ADGB: variants seen among roughly 807,000 people sequenced by gnomAD.
ADGB encodes the protein androglobin, also known as calpain-7-like protein.
A neutral mutation model predicts 210.5 loss-of-function variants in ADGB; 172 were observed. That is an observed-to-expected ratio of 0.82 (90% confidence interval 0.72 to 0.93). The LOEUF (loss-of-function observed/expected upper bound fraction) is 0.93. Ranked by LOEUF, ADGB falls within the 40% of genes least tolerant of loss-of-function variation. The pLI is 0.00. For synonymous variants in ADGB, 658 were observed against 662.7 expected (o/e 0.99, Z 0.11); for missense variants, 2,025 against 1,964.8 (o/e 1.03, Z -0.58).
At chr6:146,654,443 C>T (rs1274249076) in intron 4 of ADGB, among the ~76,000 whole-genome samples, 3 of 69,678 alleles carry the variant, frequency 4.3e-5, no homozygotes, top group Non-Finnish European at 9.3e-5. Context: ...GTCTCAACCT[C>T]CCGGGCTAAA....
chr6:146,663,570 AT>A (rs1445606510), intron 5 of ADGB, among the ~76,000 whole-genome samples: 2 of 152,076 alleles, frequency 1.3e-5, no homozygotes, highest in Non-Finnish European at 2.9e-5. Flanking sequence ...GGGGAGAAAC[AT>A]TCTGTATGTA....
At chr6:146,680,880 T>C (rs1221466712) in intron 9 of ADGB, among the ~76,000 whole-genome samples, 2 of 152,070 alleles carry the variant, frequency 1.3e-5, no homozygotes, top group African/African-American at 4.8e-5. Context: ...ATAAGGCTGG[T>C]GTTGAAGAGA....
rs1011564026 is a variant in ADGB at position 146,724,186 on chromosome 6, C to A, written c.2096C>A (p.Ala699Asp). 5 of 1,547,244 alleles carry A rather than the reference C, an allele frequency of 3.2e-6. No homozygotes were observed. The Admixed American group carries it at 6.0e-5, about 19-fold the overall frequency. The stretch of plus-strand genomic sequence containing the variant: ...TAATACCTTTTTACTTATCTTAAAG[C>A]CTTAACAAAAGACAGTCCTCCCATA... The part of the protein sequence containing the change: ...SALVRWGEYG[A>D]LTKDSPPIEP... The change falls in exon 18 of 36, where the codon GCC becomes GAC. Residue 699 changes from alanine to aspartate, a missense_variant and splice_region_variant. Ala to Asp is a moderately radical substitution (Grantham distance 126). Coordinates refer to ENST00000397944, the MANE Select transcript of ADGB (RefSeq NM_024694.4).
intron 1 of ADGB, among the ~76,000 whole-genome samples, chr6:146,617,965 C>T (rs886690496): frequency 4.6e-5 from 7 of 151,986 alleles, no homozygotes; most frequent in African/African-American, 1.7e-4. Flanking sequence ...GAGTGAAAGC[C>T]TTACCAATAA....
At chr6:146,766,162 C>G (rs1777570805) in intron 28 of ADGB, among the ~76,000 whole-genome samples, 1 of 151,350 alleles carries the variant, frequency 6.6e-6, no homozygotes. Context: ...GTGGCTCACC[C>G]CTATAATTCC....
At chr6:146,767,648 T>C (rs1583629799) in intron 28 of ADGB, among the ~76,000 whole-genome samples, 1 of 151,980 alleles carries the variant, frequency 6.6e-6, no homozygotes, top group East Asian at 1.9e-4. Context: ...TTTTTTGTAT[T>C]TTTAGTAGAC....
intron 33 of ADGB, among the ~76,000 whole-genome samples, chr6:146,789,149 C>T (rs572877009): frequency 6.6e-6 from 1 of 152,272 alleles, no homozygotes; most frequent in South Asian, 2.1e-4. Context: ...CTCCTGGTTT[C>T]CATGAATTCC....
intron 23 of ADGB, among the ~76,000 whole-genome samples, chr6:146,739,671 T>C (rs1214999368): frequency 6.6e-6 from 1 of 152,190 alleles, no homozygotes; most frequent in Non-Finnish European, 1.5e-5. Flanking sequence ...CAAGAACACC[T>C]CTGGCTCTGT....
chr6:146,708,635 T>G (rs566408712), intron 13 of ADGB, among the ~76,000 whole-genome samples: 2 of 152,148 alleles, frequency 1.3e-5, no homozygotes, highest in Non-Finnish European at 2.9e-5. Flanking sequence ...CAGAATCCTC[T>G]CTTTGTCTTT....
chr6:146,600,137 C>T (rs1780531817), intron 1 of ADGB, among the ~76,000 whole-genome samples: 1 of 152,102 alleles, frequency 6.6e-6, no homozygotes, highest in African/African-American at 2.4e-5. Context: ...TAACCTCTCT[C>T]ATAAGCAGGT....
chr6:146,801,867 GA>G lies in ADGB; in HGVS notation c.4676del (p.Asn1559IlefsTer34). 1 of 1,550,172 alleles carries G rather than the reference GA, an allele frequency of 6.5e-7. No homozygotes were observed. The highest frequency in any genetic ancestry group is 1.2e-5 in the South Asian group (1 of 83,752). On this transcript the variant is annotated frameshift_variant, in exon 35 of 36. Transcript: ENST00000397944. LOFTEE classifies it high-confidence loss of function. Reference sequence around the variant, plus strand: ...ATCCTCTGCTGCAAACAGATGAATTGAATCAGCAGCAGGCAATGCAAAAGGC... The same window carrying G: ...ATCCTCTGCTGCAAACAGATGAATTGATCAGCAGCAGGCAATGCAAAAGGC... Reference protein sequence around the residue: ...TDPLLQTDELNQQQAMQKAEE... With the variant: ...TDPLLQTDELXQQQAMQKAEE...
intron 9 of ADGB, among the ~76,000 whole-genome samples, chr6:146,683,321 T>C (rs1217793130): frequency 6.6e-6 from 1 of 152,124 alleles, no homozygotes; most frequent in Non-Finnish European, 1.5e-5. Context: ...TCTGGGCCCC[T>C]GAATCTCATT....
chr6:146,721,496 G>C lies in ADGB; in HGVS notation c.2086G>C (p.Glu696Gln), dbSNP rs770935625. 3.2e-6 allele frequency: 5 copies of C among 1,543,528 alleles called. No homozygotes were observed. Among genetic ancestry groups the C allele is most frequent in the Non-Finnish European group, 4.4e-6 (5 of 1,139,740 alleles). ...CTTTTCTGCATTGGTACGCTGGGGG[G>C]AGTATGGAGGTAAGAGGGCTCTGAG... Reference protein sequence around the residue: ...VCFSALVRWGEYGALTKDSPP... With the variant: ...VCFSALVRWGQYGALTKDSPP... The change falls in exon 17 of 36, where the codon GAG becomes CAG. Residue 696 changes from glutamate to glutamine, a missense_variant. Glu to Gln is a conservative substitution (Grantham distance 29). Coordinates refer to ENST00000397944, the MANE Select transcript of ADGB (RefSeq NM_024694.4).
At chr6:146,703,837 T>C (rs1776529171) in intron 13 of ADGB, among the ~76,000 whole-genome samples, 1 of 150,952 alleles carries the variant, frequency 6.6e-6, no homozygotes, top group Non-Finnish European at 1.5e-5. Flanking sequence ...AGAAGGAGGA[T>C]TGCTGGATCA....
chr6:146,637,266 G>A (rs1374039638), intron 2 of ADGB, among the ~76,000 whole-genome samples: 2 of 151,942 alleles, frequency 1.3e-5, no homozygotes, highest in African/African-American at 4.8e-5. Context: ...AGTGTCCTGG[G>A]ACCTGTGTCA....
intron 10 of ADGB, 89 bp downstream of exon 10, chr6:146,685,917 C>A: frequency 1.4e-6 from 1 of 709,464 alleles, no homozygotes. Flanking sequence ...GTAGAAGGCA[C>A]ATGAAAATTT....
chr6:146,802,939 T>A, intron 35 of ADGB: 2 of 1,610,468 alleles, frequency 1.2e-6, no homozygotes, highest in Non-Finnish European at 1.7e-6. Context: ...TTAAAATTTG[T>A]TTTGGATGAT....
chr6:146,690,632 T>C lies in ADGB; in HGVS notation c.1312-484T>C, dbSNP rs145055619. Among the ~76,000 whole-genome samples, 68 of 152,282 alleles carry C rather than the reference T, an allele frequency of 4.5e-4. No homozygotes were observed. The East Asian group carries it at 7.3e-3, about 16-fold the overall frequency. On this transcript the variant is annotated intron_variant, in intron 10 of 35. Transcript: ENST00000397944. ...ATCATGTGTAATCATGGGGATCTTA[T>C]GTGGAGGAACACATTGTTAGGGGAA...
intron 2 of ADGB, among the ~76,000 whole-genome samples, chr6:146,641,791 C>T (rs1249644520): frequency 6.6e-6 from 1 of 151,966 alleles, no homozygotes; most frequent in Non-Finnish European, 1.5e-5. Context: ...ACACCCAAAA[C>T]TATAAAAACC....
Sources: allele counts gnomAD v4.1 joint callset (sites outside exome capture counted in the v4.1 genomes callset), GRCh38; gene constraint gnomAD v4.1.1; transcripts MANE v1.5; gene names NCBI Gene and HGNC (gene_info 2026-07-23, HGNC 2026-07-21).